Variants in ASMTL observed in about 807,000 individuals in gnomAD.
ASMTL encodes acetylserotonin O-methyltransferase like, also known as probable bifunctional dTTP/UTP pyrophosphatase/methyltransferase protein.
A neutral mutation model predicts 60.3 loss-of-function variants in ASMTL; 57 were observed. The ratio of observed to expected loss-of-function variants is 0.95; its 90% confidence interval spans 0.76 to 1.18. The LOEUF is 1.18. ASMTL is among the 50% of genes most tolerant of loss of function. The probability of loss-of-function intolerance (pLI) is 0.00; values close to 1 mark genes in which losing one functional copy is unlikely to be tolerated. For synonymous variants in ASMTL, 419 were observed against 373.0 expected, an observed-to-expected ratio of 1.12 and a Z score of -1.42; for missense variants, 981 against 852.6, an observed-to-expected ratio of 1.15 and a Z score of -1.88.
At chrX:1,443,140 C>T (rs62604190) in intron 1 of ASMTL, among the ~76,000 whole-genome samples, 80,399 of 138,692 alleles carry the variant, frequency 0.58, 24,062 homozygotes, top group African/African-American at 0.73. Context: ...CGTGGACACA[C>T]GCCGCCATCT....
In ASMTL at chrX:1,439,120, C is replaced by T; in HGVS notation, c.250G>A (p.Val84Ile). 2 of 1,614,028 alleles carry T rather than the reference C, an allele frequency of 1.2e-6. No homozygotes were observed. Among genetic ancestry groups the T allele is most frequent in the Non-Finnish European group, 1.7e-6 (2 of 1,179,868 alleles). ...ACCACGATCGTGTCCGCTCCAATGA[C>T]CACGTCGGGGGCCCGCAGGTCTTTC... ...YQKDLRAPDVVIGADTIVTVG... is the reference protein window; with the variant it reads ...YQKDLRAPDVIIGADTIVTVG... Residue 84 changes from valine to isoleucine, a missense_variant, in exon 3 of 13, where the codon GTC becomes ATC. By Grantham distance (29) the Val-to-Ile change is conservative (BLOSUM62 3). Transcript: ENST00000381317.
chrX:1,449,207 C>A (rs1441589510), intron 1 of ASMTL, among the ~76,000 whole-genome samples: 1 of 152,086 alleles, frequency 6.6e-6, no homozygotes, highest in East Asian at 1.9e-4. Flanking sequence ...GCTTGTTCTC[C>A]AAAATAAACC....
chrX:1,425,744 C>T (rs1421253868), intron 7 of ASMTL, 57 bp from the exon 8 acceptor site: 1 of 1,556,486 alleles, frequency 6.4e-7, no homozygotes, highest in Non-Finnish European at 8.8e-7. Context: ...ACTTTCTACT[C>T]CCACAGACTC....
chrX:1,431,890 C>G (rs1480507001), intron 6 of ASMTL: 1 of 232,878 alleles, frequency 4.3e-6, no homozygotes, highest in Admixed American at 5.1e-5. Flanking sequence ...CAGGTAGAAT[C>G]ACCTCTTAGG....
At chrX:1,403,616 A>G (rs1396356207) in intron 12 of ASMTL, 127 bp from the exon 13 acceptor site, 11 of 808,984 alleles carry the variant, frequency 1.4e-5, no homozygotes, top group Non-Finnish European at 2.0e-5. Context: ...ACCCTTGGCC[A>G]GGGGGCCCAC....
At chrX:1,415,980 C>T (rs181403761) in intron 11 of ASMTL, among the ~76,000 whole-genome samples, 35 of 151,822 alleles carry the variant, frequency 2.3e-4, no homozygotes, top group Admixed American at 2.3e-3. Flanking sequence ...GACAGGTACA[C>T]ACATGGACAC....
chrX:1,430,117 C>T (rs2090728958), intron 6 of ASMTL, among the ~76,000 whole-genome samples: 2 of 151,964 alleles, frequency 1.3e-5, no homozygotes, highest in East Asian at 2.0e-4. Context: ...TGGGTTCAAG[C>T]GATTCTCCTG....
At chrX:1,419,181 G>A in intron 9 of ASMTL, 67 bp from the exon 10 acceptor site, 1 of 1,572,488 alleles carries the variant, frequency 6.4e-7, no homozygotes, top group Non-Finnish European at 8.6e-7. Context: ...GCCTCTCCCT[G>A]GGGGTCGGGG....
intron 1 of ASMTL, among the ~76,000 whole-genome samples, chrX:1,450,365 T>A (rs1182337902): frequency 1.3e-5 from 2 of 151,660 alleles, no homozygotes; most frequent in South Asian, 2.1e-4. Flanking sequence ...GCCCACTCCA[T>A]CCCTAGAAGT....
At chrX:1,441,668 C>G (rs1209780183) in intron 2 of ASMTL, 1 of 152,800 alleles carries the variant, frequency 6.5e-6, no homozygotes, top group African/African-American at 2.4e-5. Context: ...AATATTATAA[C>G]ACATAGTAAC....
chrX:1,426,184 C>A (rs1367829374), intron 7 of ASMTL, among the ~76,000 whole-genome samples: 4 of 152,070 alleles, frequency 2.6e-5, no homozygotes, highest in Admixed American at 6.5e-5. Context: ...AGGAGAGAGG[C>A]CTCAGGAGGA....
At chrX:1,417,536 CAT>C (rs1491073817) in intron 11 of ASMTL, among the ~76,000 whole-genome samples, 3 of 128,756 alleles carry the variant, frequency 2.3e-5, no homozygotes, top group Non-Finnish European at 5.2e-5. Context: ...CACACACACA[CAT>C]GCACACAGAC....
At chrX:1,411,497 C>T (rs1166851782) in intron 12 of ASMTL, among the ~76,000 whole-genome samples, 1 of 152,152 alleles carries the variant, frequency 6.6e-6, no homozygotes, top group Non-Finnish European at 1.5e-5. Flanking sequence ...TTCCAGCAGC[C>T]CCACTGGGCT....
chrX:1,442,984 A>G (rs1462230439), intron 1 of ASMTL, among the ~76,000 whole-genome samples: 1 of 152,174 alleles, frequency 6.6e-6, no homozygotes, highest in Non-Finnish European at 1.5e-5. Flanking sequence ...TGACAGAGCA[A>G]AAGCATCGCC....
chrX:1,431,885 A>G (rs1169801596), intron 6 of ASMTL: 1 of 221,196 alleles, frequency 4.5e-6, no homozygotes, highest in Admixed American at 5.2e-5. Flanking sequence ...GACGACAGGT[A>G]GAATCACCTC....
At chrX:1,433,393 C>A (rs1212604740) in intron 5 of ASMTL, among the ~76,000 whole-genome samples, 5 of 146,148 alleles carry the variant, frequency 3.4e-5, no homozygotes, top group African/African-American at 1.3e-4. Context: ...GGACCGCGCG[C>A]GGTGGCTCAC....
intron 7 of ASMTL, among the ~76,000 whole-genome samples, chrX:1,426,149 G>A (rs2090605791): frequency 6.6e-6 from 1 of 151,982 alleles, no homozygotes; most frequent in Non-Finnish European, 1.5e-5. Flanking sequence ...TGAGGACACA[G>A]GGAGAAGACA....
Position 1,425,385 on chromosome X carries a change from C to T in ASMTL, c.1060+140G>A, listed in dbSNP as rs192859976. On this transcript the variant is annotated intron_variant, in intron 8 of 12. Transcript: ENST00000381317. ...ATTCACCCTCTGCTTCTCAACCTTT[C>T]GGGAAAAGCAGCATTCCTGAGGGCA... 3.6e-4 allele frequency: 369 copies of T among 1,015,508 alleles called. 3 individuals carry two copies. Among genetic ancestry groups the T allele is most frequent in the East Asian group, 3.6e-3 (137 of 38,484 alleles). 62.9% of individuals were successfully genotyped at this position (1,015,508 alleles called of 1,614,324 possible).
chrX:1,435,941 C>T lies in ASMTL; in HGVS notation c.274-183G>A, dbSNP rs571677927. ...TGTACCACCACTACCTGCCTGGTTC[C>T]AGGATGTTCTCTTCACTCCAGAAGG... is the stretch of plus-strand genomic sequence containing the variant. On this transcript the variant is annotated intron_variant, in intron 3 of 12. Coordinates refer to ENST00000381317, the MANE Select transcript of ASMTL (RefSeq NM_004192.4). Among the ~76,000 whole-genome samples the T allele has an allele frequency of 6.2e-4, 95 of 152,184 alleles. 1 individual carries two copies. In the South Asian group the frequency reaches 0.019, roughly 30 times the overall value.
Sources: allele counts gnomAD v4.1 joint callset (sites outside exome capture counted in the v4.1 genomes callset), GRCh38; gene constraint gnomAD v4.1.1; transcripts MANE v1.5; gene names NCBI Gene and HGNC (gene_info 2026-07-23, HGNC 2026-07-21).